SGCD: variants seen among roughly 807,000 people sequenced by gnomAD.
The protein encoded by SGCD is sarcoglycan delta, also known as delta-sarcoglycan.
A neutral mutation model predicts 36.6 loss-of-function variants in SGCD; 18 were observed. The observed-to-expected ratio is 0.49, with a 90% CI of 0.34 to 0.73. The LOEUF (loss-of-function observed/expected upper bound fraction) is 0.73, where lower values mean the gene tolerates loss of function less well. Ranked by LOEUF, SGCD falls within the 30% of genes least tolerant of loss-of-function variation. The pLI, the probability that SGCD is intolerant of heterozygous loss-of-function variation, is 0.01. For synonymous variants in SGCD, 133 were observed against 130.6 expected, an observed-to-expected ratio of 1.02 and a Z score of -0.12; for missense variants, 387 against 346.7, an observed-to-expected ratio of 1.12 and a Z score of -0.92.
intron 7 of SGCD, among the ~76,000 whole-genome samples, chr5:156,670,752 G>A (rs188542327): frequency 2.9e-4 from 44 of 152,204 alleles, no homozygotes; most frequent in Middle Eastern, 6.8e-3. Context: ...AGAGTAAGAC[G>A]ATCAGATCTC....
rs1218700070 is a variant in SGCD, at chr5:156,640,542, G to T, written c.503-6922G>T. On this transcript the variant is annotated intron_variant, in intron 6 of 8. Coordinates refer to ENST00000337851, the MANE Select transcript of SGCD (RefSeq NM_000337.6). Reference sequence around the variant, plus strand: ...TCTTACTGAACATTGCCTCAGCATTGTGCCATTCACATAATAGGTACTTGT... The same window carrying T: ...TCTTACTGAACATTGCCTCAGCATTTTGCCATTCACATAATAGGTACTTGT... Among the ~76,000 whole-genome samples the T allele has an allele frequency of 2.6e-5, 4 of 151,246 alleles. No homozygotes were observed. In the East Asian group the frequency reaches 7.7e-4, roughly 29 times the overall value.
chr5:156,191,165 A>G (rs901254071), intron 3 of SGCD, among the ~76,000 whole-genome samples: 4 of 152,108 alleles, frequency 2.6e-5, no homozygotes, highest in Non-Finnish European at 5.9e-5. Context: ...ATAACTCAGC[A>G]TTACCCGGTT....
chr5:155,882,376 G>T (rs200415699), intron 1 of SGCD, among the ~76,000 whole-genome samples: 1 of 152,102 alleles, frequency 6.6e-6, no homozygotes, highest in South Asian at 2.1e-4. Flanking sequence ...ACTGTTCCTG[G>T]CCACAAATGT....
chr5:156,591,617 G>C (rs530801456), intron 5 of SGCD, among the ~76,000 whole-genome samples: 1 of 152,314 alleles, frequency 6.6e-6, no homozygotes, highest in South Asian at 2.1e-4. Flanking sequence ...GATGCATTTT[G>C]ATGGGGCTCC....
chr5:156,153,491 C>T (rs1337592971), intron 3 of SGCD, among the ~76,000 whole-genome samples: 1 of 151,716 alleles, frequency 6.6e-6, no homozygotes, highest in Non-Finnish European at 1.5e-5. Flanking sequence ...TGAAATCCTG[C>T]TCTTTAAGGG....
intron 3 of SGCD, among the ~76,000 whole-genome samples, chr5:156,140,516 C>T (rs190344266): frequency 2.6e-5 from 4 of 152,168 alleles, no homozygotes; most frequent in South Asian, 2.1e-4. Context: ...AAGAACTGGC[C>T]GAGATGTTTC....
At chr5:156,360,526 G>A (rs369112780) in intron 3 of SGCD, among the ~76,000 whole-genome samples, 5 of 152,118 alleles carry the variant, frequency 3.3e-5, no homozygotes, top group East Asian at 1.9e-4. Flanking sequence ...GGAATTACAG[G>A]CCTAATTGGT....
intron 3 of SGCD, among the ~76,000 whole-genome samples, chr5:156,494,083 A>C (rs531929254): frequency 2.6e-5 from 4 of 152,128 alleles, no homozygotes; most frequent in Admixed American, 6.6e-5. Context: ...AAGATAAAGC[A>C]AGATGGGAAT....
At chr5:156,374,801 C>T (rs994655422) in intron 3 of SGCD, among the ~76,000 whole-genome samples, 2 of 151,960 alleles carry the variant, frequency 1.3e-5, no homozygotes, top group Non-Finnish European at 2.9e-5. Context: ...TTGCCCCTGA[C>T]ATGCTGACAG....
At chr5:156,639,839 T>G (rs1196525273) in intron 6 of SGCD, among the ~76,000 whole-genome samples, 8 of 151,770 alleles carry the variant, frequency 5.3e-5, no homozygotes, top group African/African-American at 4.8e-5. Flanking sequence ...ATTCTCATGT[T>G]TTTTTTTTCA....
chr5:156,358,023 C>T (rs1561642788), intron 3 of SGCD, among the ~76,000 whole-genome samples: 1 of 152,176 alleles, frequency 6.6e-6, no homozygotes, highest in Admixed American at 6.5e-5. Context: ...AGCTAATCAT[C>T]CAGTTTGGAT....
chr5:155,994,745 T>A (rs748674937), intron 1 of SGCD, among the ~76,000 whole-genome samples: 1 of 152,174 alleles, frequency 6.6e-6, no homozygotes, highest in Non-Finnish European at 1.5e-5. Flanking sequence ...TGCAATTATG[T>A]TAATTAGAAT....
chr5:155,850,456 A>C, the SGCD span, among the ~76,000 whole-genome samples: 5 of 152,102 alleles, frequency 3.3e-5, no homozygotes, highest in Non-Finnish European at 7.4e-5. Context: ...CTCACATGGA[A>C]GTCTGTCAAA....
chr5:156,073,133 C>G (rs985337265), intron 1 of SGCD, among the ~76,000 whole-genome samples: 14 of 152,248 alleles, frequency 9.2e-5, no homozygotes, highest in Middle Eastern at 6.8e-3. Flanking sequence ...GCCATTATGA[C>G]CCACCTCCCT....
intron 1 of SGCD, among the ~76,000 whole-genome samples, chr5:156,061,496 C>T (rs1456170223): frequency 6.9e-6 from 1 of 145,980 alleles, no homozygotes; most frequent in Non-Finnish European, 1.5e-5. Context: ...TTCGACTTAG[C>T]TTGGGTTTCT....
the SGCD span, among the ~76,000 whole-genome samples, chr5:155,799,534 C>T: frequency 1.3e-5 from 2 of 151,728 alleles, no homozygotes; most frequent in African/African-American, 2.4e-5. Flanking sequence ...GCTAGGATTA[C>T]AGGAGTGCCA....
chr5:156,486,444 G>A (rs185007510), intron 3 of SGCD, among the ~76,000 whole-genome samples: 10 of 152,240 alleles, frequency 6.6e-5, no homozygotes, highest in African/African-American at 2.2e-4. Context: ...ACCTGTACAT[G>A]CCTTCAAGGG....
chr5:155,997,137 T>C (rs2127566705), intron 1 of SGCD, among the ~76,000 whole-genome samples: 1 of 152,380 alleles, frequency 6.6e-6, no homozygotes, highest in East Asian at 1.9e-4. Flanking sequence ...ATTATTATTA[T>C]TGAGCCATTA....
At chr5:156,477,736 A>G (rs1406191602) in intron 3 of SGCD, among the ~76,000 whole-genome samples, 1 of 151,360 alleles carries the variant, frequency 6.6e-6, no homozygotes, top group Non-Finnish European at 1.5e-5. Context: ...CTTCTTCTGA[A>G]TTTTGTTTTA....
Sources: gnomAD v4.1 joint callset for allele counts (sites outside exome capture counted in the v4.1 genomes callset) on GRCh38, gnomAD v4.1.1 for gene constraint, MANE v1.5 for transcripts, NCBI Gene and HGNC (gene_info 2026-07-23, HGNC 2026-07-21) for gene names.